The following SLC35F1 variants were observed in gnomAD, a reference collection of about 807,000 sequenced individuals.
The protein encoded by SLC35F1 is solute carrier family 35 member F1.
Under a neutral mutation model 48.7 loss-of-function variants are expected in SLC35F1, and 14 were observed. That is an observed-to-expected ratio of 0.29 (90% CI 0.19 to 0.45). The LOEUF (loss-of-function observed/expected upper bound fraction) is 0.45, where lower values mean the gene tolerates loss of function less well. Ranked by LOEUF, SLC35F1 falls within the 20% of genes least tolerant of loss-of-function variation. SLC35F1 has a pLI of 1.00. For synonymous variants in SLC35F1, 190 were observed against 202.2 expected (o/e 0.94, Z 0.51); for missense variants, 404 against 500.0 (o/e 0.81, Z 1.83).
intron 1 of SLC35F1, among the ~76,000 whole-genome samples, chr6:118,123,076 T>G (rs956143270): frequency 8.6e-5 from 13 of 151,300 alleles, no homozygotes; most frequent in African/African-American, 7.3e-5. Context: ...GTTGGTAGTT[T>G]GAATAGTATT....
chr6:118,088,748 C>G (rs1773029130), intron 1 of SLC35F1, among the ~76,000 whole-genome samples: 2 of 152,116 alleles, frequency 1.3e-5, no homozygotes, highest in African/African-American at 4.8e-5. Context: ...GGAACTGACA[C>G]CAGACTGATC....
chr6:118,235,689 C>T, intron 3 of SLC35F1, 53 bp downstream of exon 3: 3 of 1,583,040 alleles, frequency 1.9e-6, no homozygotes, highest in Non-Finnish European at 2.6e-6. Context: ...ATGTAGTTTA[C>T]TTTCAGTTTA....
chr6:118,257,874 C>T (rs1775665921), intron 3 of SLC35F1, among the ~76,000 whole-genome samples: 1 of 152,142 alleles, frequency 6.6e-6, no homozygotes, highest in African/African-American at 2.4e-5. Flanking sequence ...CCTGAAATCA[C>T]TGTTCTTAAT....
intron 2 of SLC35F1, among the ~76,000 whole-genome samples, chr6:118,185,218 G>A (rs1774639252): frequency 6.6e-6 from 1 of 152,168 alleles, no homozygotes; most frequent in Non-Finnish European, 1.5e-5. Context: ...CTTGTGTGGG[G>A]CAGGAGTTAA....
chr6:117,956,239 G>C (rs191088646), intron 1 of SLC35F1, among the ~76,000 whole-genome samples: 16 of 152,274 alleles, frequency 1.1e-4, no homozygotes, highest in Admixed American at 5.2e-4. Flanking sequence ...AGTGGGGCAG[G>C]GTATCTTCCT....
At chr6:117,924,933 A>G (rs1433933969) in intron 1 of SLC35F1, among the ~76,000 whole-genome samples, 1 of 152,190 alleles carries the variant, frequency 6.6e-6, no homozygotes, top group Non-Finnish European at 1.5e-5. Flanking sequence ...TCTGCAGAAG[A>G]AGATGATTAG....
chr6:118,059,184 C>CA (rs1172138872), intron 1 of SLC35F1, among the ~76,000 whole-genome samples: 2 of 152,198 alleles, frequency 1.3e-5, no homozygotes, highest in Non-Finnish European at 2.9e-5. Flanking sequence ...TATTTTCTTA[C>CA]AAAAAACACT....
chr6:117,986,283 T>G (rs955219006), intron 1 of SLC35F1, among the ~76,000 whole-genome samples: 11 of 152,100 alleles, frequency 7.2e-5, no homozygotes, highest in Admixed American at 6.6e-4. Context: ...AACATGGCCA[T>G]CAGAGACCAC....
At chr6:118,284,511 G>A (rs899869760) in intron 6 of SLC35F1, among the ~76,000 whole-genome samples, 8 of 152,152 alleles carry the variant, frequency 5.3e-5, no homozygotes, top group Non-Finnish European at 1.0e-4. Flanking sequence ...AGTATTTTAA[G>A]GTCATGAAAG....
intron 1 of SLC35F1, among the ~76,000 whole-genome samples, chr6:118,099,011 C>T (rs151087128): frequency 7.9e-5 from 12 of 152,056 alleles, no homozygotes; most frequent in South Asian, 2.1e-4. Flanking sequence ...TTGGATGGGC[C>T]GTAGATCCAA....
At chr6:118,172,538 G>A (rs1025041372) in intron 2 of SLC35F1, among the ~76,000 whole-genome samples, 2 of 152,068 alleles carry the variant, frequency 1.3e-5, no homozygotes, top group Admixed American at 1.3e-4. Flanking sequence ...TTAGCAGCAT[G>A]GTCTAGATAA....
chr6:118,291,042 C>T (rs903120793), intron 7 of SLC35F1, among the ~76,000 whole-genome samples: 1 of 152,132 alleles, frequency 6.6e-6, no homozygotes, highest in Non-Finnish European at 1.5e-5. Context: ...ATCCGCCCAC[C>T]TTGGCCTCCC....
chr6:118,262,782 G>A (rs77956257), intron 3 of SLC35F1, among the ~76,000 whole-genome samples: 6,076 of 152,208 alleles, frequency 0.04, 420 homozygotes, highest in African/African-American at 0.14. Flanking sequence ...AACTGTAAAT[G>A]TTGTTTAAAA....
chr6:117,944,539 G>C (rs567202700), intron 1 of SLC35F1, among the ~76,000 whole-genome samples: 1 of 150,672 alleles, frequency 6.6e-6, no homozygotes, highest in East Asian at 2.0e-4. Context: ...TCTCAGAAAA[G>C]CTTTCAAGTT....
At chr6:118,097,804 A>G (rs2114358084) in intron 1 of SLC35F1, among the ~76,000 whole-genome samples, 1 of 152,326 alleles carries the variant, frequency 6.6e-6, no homozygotes, top group South Asian at 2.1e-4. Context: ...AAACCATTCA[A>G]GACAATTACC....
At chr6:118,029,800 A>G (rs1209021961) in intron 1 of SLC35F1, among the ~76,000 whole-genome samples, 2 of 152,068 alleles carry the variant, frequency 1.3e-5, no homozygotes, top group Non-Finnish European at 2.9e-5. Flanking sequence ...TTTTTCCAAT[A>G]CTTTCCACCC....
Position 118,168,896 on chromosome 6 carries a change from GC to G in SLC35F1, c.349+14277del, listed in dbSNP as rs200545152. Among the ~76,000 whole-genome samples, 720 of 152,302 alleles carry G rather than the reference GC, an allele frequency of 4.7e-3. 3 individuals carry two copies. The highest frequency in any genetic ancestry group is 0.016 in the African/African-American group (683 of 41,548). On this transcript the variant is annotated intron_variant, in intron 2 of 7. Coordinates refer to ENST00000360388, the MANE Select transcript of SLC35F1 (RefSeq NM_001029858.4). The stretch of plus-strand genomic sequence containing the variant: ...CGGTGGAAGATATCAGGGTTCATGG[GC>G]TTTATCCTAGTATCTGACAGAGAAC...
intron 1 of SLC35F1, among the ~76,000 whole-genome samples, chr6:118,122,271 A>C (rs893236059): frequency 6.6e-6 from 1 of 151,450 alleles, no homozygotes; most frequent in African/African-American, 2.4e-5. Context: ...TGAAAATGCA[A>C]CAAAAACGTG....
chr6:118,015,501 A>G (rs1434085629), intron 1 of SLC35F1, among the ~76,000 whole-genome samples: 1 of 150,264 alleles, frequency 6.7e-6, no homozygotes, highest in African/African-American at 2.5e-5. Context: ...TGTGTCCATG[A>G]GTTCTCATCA....
Sources: allele counts gnomAD v4.1 joint callset (sites outside exome capture counted in the v4.1 genomes callset), GRCh38; gene constraint gnomAD v4.1.1; transcripts MANE v1.5; gene names NCBI Gene and HGNC (gene_info 2026-07-23, HGNC 2026-07-21).